SMOC2: variants seen among roughly 807,000 people sequenced by gnomAD.
The protein encoded by SMOC2 is SPARC related modular calcium binding 2.
A neutral mutation model predicts 61.4 loss-of-function variants in SMOC2; 39 were observed. That is an observed-to-expected ratio of 0.64 (90% CI 0.49 to 0.83). The LOEUF is 0.83. SMOC2 is among the 40% of genes least tolerant of loss of function. The probability of loss-of-function intolerance (pLI) is 0.00; values close to 1 mark genes in which losing one functional copy is unlikely to be tolerated. For missense variants in SMOC2, 556 were observed against 592.9 expected (o/e 0.94, Z 0.65); for synonymous variants, 247 against 239.9 (o/e 1.03, Z -0.27).
At chr6:168,501,748 A>T (rs1037803244) in intron 1 of SMOC2, among the ~76,000 whole-genome samples, 1 of 152,220 alleles carries the variant, frequency 6.6e-6, no homozygotes, top group African/African-American at 2.4e-5. Context: ...CGTACCCAAC[A>T]GCGTCACCCA....
intron 4 of SMOC2, among the ~76,000 whole-genome samples, chr6:168,541,076 T>A (rs1347974810): frequency 1.3e-5 from 2 of 152,232 alleles, no homozygotes; most frequent in African/African-American, 4.8e-5. Flanking sequence ...CTACAAGACT[T>A]AACAGCTATT....
At chr6:168,525,745 C>T (rs937012406) in intron 2 of SMOC2, among the ~76,000 whole-genome samples, 11 of 152,124 alleles carry the variant, frequency 7.2e-5, no homozygotes, top group South Asian at 2.1e-4. Context: ...AGAGGCAGGA[C>T]GGGAAACAGA....
At position 168,653,168 on chromosome 6, in the gene SMOC2, C is replaced by A; in HGVS notation, c.1225C>A (p.Leu409Met). The A allele has an allele frequency of 1.2e-6, 2 of 1,614,160 alleles. No individual in the cohort carries two copies. The highest frequency in any genetic ancestry group is 1.7e-6 in the Non-Finnish European group (2 of 1,180,036). Residue 409 changes from leucine (L) to methionine (M), a missense_variant, in exon 11 of 13, where the codon CTG becomes ATG. By Grantham distance (15) the Leu-to-Met change is conservative. Coordinates refer to ENST00000356284, the MANE Select transcript of SMOC2 (RefSeq NM_001166412.2). ...NNDKSISVQELMGCLGVAKED... is the reference protein window; with the variant it reads ...NNDKSISVQEMMGCLGVAKED... The stretch of plus-strand genomic sequence containing the variant: ...TGACAAATCCATCTCCGTACAAGAA[C>A]TGATGGGCTGCCTGGGCGTGGCGAA...
At chr6:168,467,583 C>T (rs1286798521) in intron 1 of SMOC2, among the ~76,000 whole-genome samples, 2 of 152,142 alleles carry the variant, frequency 1.3e-5, no homozygotes, top group Non-Finnish European at 1.5e-5. Context: ...GCTGGGATTA[C>T]AGGCATGAGC....
intron 1 of SMOC2, among the ~76,000 whole-genome samples, chr6:168,485,713 G>A (rs546733284): frequency 3.3e-5 from 5 of 152,098 alleles, no homozygotes; most frequent in African/African-American, 1.2e-4. Context: ...ATGTTTTTTT[G>A]GGGGGGAGAT....
chr6:168,630,929 A>G (rs1406457613), intron 9 of SMOC2, among the ~76,000 whole-genome samples: 2 of 152,218 alleles, frequency 1.3e-5, no homozygotes, highest in Non-Finnish European at 1.5e-5. Context: ...CTGTCTCCTG[A>G]TAAGATGTTA....
intron 9 of SMOC2, among the ~76,000 whole-genome samples, chr6:168,620,533 A>G (rs1786216103): frequency 6.6e-6 from 1 of 152,318 alleles, no homozygotes; most frequent in South Asian, 2.1e-4. Context: ...AGACTGATAT[A>G]TAGGAAAATT....
intron 1 of SMOC2, among the ~76,000 whole-genome samples, chr6:168,499,125 G>C (rs567359349): frequency 6.7e-6 from 1 of 149,690 alleles, no homozygotes; most frequent in Non-Finnish European, 1.5e-5. Flanking sequence ...CACAGTCTCT[G>C]GGGGGACAGC....
intron 2 of SMOC2, among the ~76,000 whole-genome samples, chr6:168,519,112 T>G (rs1341509637): frequency 7.0e-6 from 1 of 143,668 alleles, no homozygotes; most frequent in Non-Finnish European, 1.5e-5. Flanking sequence ...TGTGAACGCG[T>G]GTGTATGCAT....
At chr6:168,519,363 TTC>T (rs1783269735) in intron 2 of SMOC2, among the ~76,000 whole-genome samples, 2 of 152,232 alleles carry the variant, frequency 1.3e-5, no homozygotes, top group Non-Finnish European at 2.9e-5. Context: ...TTGGATTTTC[TTC>T]TTCCAGCAGA....
rs565942904 is a variant in SMOC2 at position 168,535,807 on chromosome 6, G to T, written c.464-7818G>T. On this transcript the variant is annotated intron_variant, in intron 4 of 12. Transcript: ENST00000356284. The surrounding 1 kb of genome is among the most constrained non-coding windows in gnomAD (Gnocchi z 4.6). ...GGGAAGATGGGAGGGAGACCAATGCGCAGTGACAGTGATCCTGGGGACACG... is the reference window on the plus strand; with the variant it reads ...GGGAAGATGGGAGGGAGACCAATGCTCAGTGACAGTGATCCTGGGGACACG... Among the ~76,000 whole-genome samples the T allele has an allele frequency of 7.9e-5, 12 of 152,302 alleles. No individual in the cohort carries two copies. The highest frequency in any genetic ancestry group is 2.4e-4 in the African/African-American group (10 of 41,570).
intron 1 of SMOC2, among the ~76,000 whole-genome samples, chr6:168,467,136 AACACACACACACACACACACAC>A (rs10536582): frequency 6.0e-5 from 8 of 133,330 alleles, no homozygotes; most frequent in African/African-American, 2.2e-4. Flanking sequence ...AGTGCTCTCA[AACACACACACACACACACACAC>A]ACACACACAC....
At chr6:168,445,837 A>G (rs1781320528) in intron 1 of SMOC2, among the ~76,000 whole-genome samples, 1 of 152,254 alleles carries the variant, frequency 6.6e-6, no homozygotes, top group African/African-American at 2.4e-5. Flanking sequence ...CTGTGAAATC[A>G]AGACCGTAAA....
chr6:168,616,920 G>A (rs1264064452), intron 9 of SMOC2, among the ~76,000 whole-genome samples: 4 of 152,208 alleles, frequency 2.6e-5, no homozygotes, highest in Non-Finnish European at 4.4e-5. Context: ...TCCTCCAGCA[G>A]CTGAGGGAGC....
Position 168,441,288 on chromosome 6 carries a change from C to A in SMOC2, c.-83C>A. On this transcript the variant is annotated 5_prime_UTR_variant, in exon 1 of 13. Transcript: ENST00000356284. ...CCGCCCCTCCACGCGCCCGCCCAGCCGCGCTCGCCCACTGGGCTCTCCCGG... is the reference window on the plus strand; with the variant it reads ...CCGCCCCTCCACGCGCCCGCCCAGCAGCGCTCGCCCACTGGGCTCTCCCGG... 7.0e-7 allele frequency: 1 copy of A among 1,420,660 alleles called. No homozygotes were observed. Among genetic ancestry groups the A allele is most frequent in the Admixed American group, 3.1e-5 (1 of 32,034 alleles). 88.0% of individuals were successfully genotyped at this position (1,420,660 alleles called of 1,614,324 possible). A position where few individuals can be genotyped will look rare whatever the true frequency, so the allele number is the denominator to read the frequency against.
rs893255619 is a variant in SMOC2, at chr6:168,468,709, A to G, written c.84+27255A>G. ...GCCACCACACCTGGCCAATTTTTGTATTTTTGTAGAGACGGGGTTTCACCA... is the reference window on the plus strand; with the variant it reads ...GCCACCACACCTGGCCAATTTTTGTGTTTTTGTAGAGACGGGGTTTCACCA... On this transcript the variant is annotated intron_variant, in intron 1 of 12. Transcript: ENST00000356284. 5.3e-5 allele frequency among the ~76,000 whole-genome samples: 8 copies of G among 151,816 alleles called. No homozygotes were observed. In the South Asian group the frequency reaches 1.5e-3, roughly 28 times the overall value.
Position 168,489,654 on chromosome 6 carries a change from C to T in SMOC2, c.85-20261C>T, listed in dbSNP as rs866800980. ...TGTTTTAGAATGAAATATATCAAAT[C>T]GTCTGGGTCCCCTTGCATCACACTG... On this transcript the variant is annotated intron_variant, in intron 1 of 12. Coordinates refer to ENST00000356284, the MANE Select transcript of SMOC2 (RefSeq NM_001166412.2). Among the ~76,000 whole-genome samples, 191 of 149,200 alleles carry T rather than the reference C, an allele frequency of 1.3e-3. 2 individuals carry two copies. The Middle Eastern group carries it at 0.015, about 11-fold the overall frequency.
intron 1 of SMOC2, among the ~76,000 whole-genome samples, chr6:168,482,477 T>G (rs1205697074): frequency 6.6e-6 from 1 of 152,088 alleles, no homozygotes; most frequent in African/African-American, 2.4e-5. Flanking sequence ...ACTGGTGAAT[T>G]CTACCAAACT....
At chr6:168,480,143 A>G (rs1782174146) in intron 1 of SMOC2, among the ~76,000 whole-genome samples, 1 of 152,184 alleles carries the variant, frequency 6.6e-6, no homozygotes, top group African/African-American at 2.4e-5. Context: ...CCCTGGGAAA[A>G]ATGAAGAATC....
Sources: gnomAD v4.1 joint callset for allele counts (sites outside exome capture counted in the v4.1 genomes callset) on GRCh38, gnomAD v4.1.1 for gene constraint, Gnocchi (gnomAD v3.1) non-coding constraint, MANE v1.5 for transcripts, NCBI Gene and HGNC (gene_info 2026-07-23, HGNC 2026-07-21) for gene names.